STX19: variants seen among roughly 807,000 people sequenced by gnomAD.
STX19 encodes the protein syntaxin-19.
In STX19, 26 loss-of-function variants were observed where a neutral mutation model predicts 24.3. The ratio of observed to expected loss-of-function variants is 1.07; its 90% CI spans 0.78 to 1.48. STX19 has a LOEUF of 1.48. Among genes scored for constraint, STX19 ranks in the 40% most tolerant of loss-of-function variants. The pLI is 0.00. For synonymous variants in STX19, 116 were observed against 106.9 expected (o/e 1.09, Z -0.52); for missense variants, 367 against 331.9 (o/e 1.11, Z -0.82).
chr3:94,020,821 G>A (rs1351485039), intron 1 of STX19, among the ~76,000 whole-genome samples: 1 of 151,912 alleles, frequency 6.6e-6, no homozygotes, highest in Non-Finnish European at 1.5e-5. Flanking sequence ...TCAAATAGCC[G>A]GTAATCTTTT....
At chr3:94,017,253 T>G (rs1329148315) in intron 1 of STX19, among the ~76,000 whole-genome samples, 1 of 152,174 alleles carries the variant, frequency 6.6e-6, no homozygotes, top group Non-Finnish European at 1.5e-5. Flanking sequence ...TAAACAAAGG[T>G]CTGTGTATGC....
rs957234055 is a variant in STX19, at chr3:94,024,482, A to C, written c.-14+3885T>G. On this transcript the variant is annotated intron_variant, in intron 1 of 1. Transcript: ENST00000315099. ...ATTTTCACATTCCTCAAGAACTACA[A>C]CATCTTGAACTTTCTCTTTGGTTGC... 2.6e-5 allele frequency among the ~76,000 whole-genome samples: 4 copies of C among 152,312 alleles called. No homozygotes were observed. The South Asian group carries it at 8.3e-4, about 32-fold the overall frequency.
chr3:94,027,611 CATT>C (rs969501644), intron 1 of STX19, among the ~76,000 whole-genome samples: 5 of 151,944 alleles, frequency 3.3e-5, no homozygotes, highest in Non-Finnish European at 7.4e-5. Flanking sequence ...ATATAAAAGT[CATT>C]ATTATTTTGA....
In STX19 at chr3:94,019,438, G is replaced by A. The variant is rs139157471; in HGVS notation, c.-13-4156C>T. Among the ~76,000 whole-genome samples, 238 of 152,024 alleles carry A rather than the reference G, an allele frequency of 1.6e-3. 4 individuals are homozygous for A. Among genetic ancestry groups the A allele is most frequent in the Middle Eastern group, 0.014 (4 of 294 alleles). ...TCTTGAACTCTTGACCTCATGATCC[G>A]CCCATCTTGGCTTCCCAAAGTGCTG... On this transcript the variant is annotated intron_variant, in intron 1 of 1. Transcript: ENST00000315099.
At chr3:94,026,721 G>GT (rs1169814164) in intron 1 of STX19, among the ~76,000 whole-genome samples, 1 of 152,130 alleles carries the variant, frequency 6.6e-6, no homozygotes, top group East Asian at 1.9e-4. Flanking sequence ...TATGCAGTCT[G>GT]TTATGTACCT....
rs1181566571 is a variant in STX19, at chr3:94,014,426, C to G, written c.844G>C (p.Val282Leu). 5 of 1,581,752 alleles carry G rather than the reference C, an allele frequency of 3.2e-6. No individual in the cohort carries two copies. The highest frequency in any genetic ancestry group is 3.4e-6 in the Non-Finnish European group (4 of 1,169,426). ...CATGGACAGCACCAACAACACAGTA[C>G]TCTGCAAGGATTTCTTTTTTTGTAT... ...VKYKKRNPCR[V>L]LCCWCCPCCS... The change falls in exon 2 of 2, where the codon GTA becomes CTA. Residue 282 changes from valine to leucine, a missense_variant. Val to Leu is a conservative substitution (Grantham distance 32). Coordinates refer to ENST00000315099, the MANE Select transcript of STX19 (RefSeq NM_001001850.3).
At chr3:94,024,286 A>G (rs1181098638) in intron 1 of STX19, among the ~76,000 whole-genome samples, 7 of 152,230 alleles carry the variant, frequency 4.6e-5, no homozygotes, top group Non-Finnish European at 1.5e-5. Context: ...ATTATTTTTT[A>G]AACTGGGTTG....
chr3:94,023,480 A>G (rs1038855431), intron 1 of STX19, among the ~76,000 whole-genome samples: 1 of 151,808 alleles, frequency 6.6e-6, no homozygotes, highest in Middle Eastern at 3.2e-3. Context: ...TCATGTATTT[A>G]CGGTCTTGCT....
At position 94,016,649 on chromosome 3, in the gene STX19, C is replaced by T. The variant is rs75639523; in HGVS notation, c.-13-1367G>A. Among the ~76,000 whole-genome samples, 137 of 142,462 alleles carry T rather than the reference C, an allele frequency of 9.6e-4. 2 individuals carry two copies. In the East Asian group the frequency reaches 0.023, roughly 24 times the overall value. 93.5% of individuals were successfully genotyped at this position (142,462 alleles called of 152,430 possible). ...TGGAGATTTTAATTAATTAAGCTTT[C>T]TTTTTTTTTTTTTTGGAGATGGAGT... On this transcript the variant is annotated intron_variant, in intron 1 of 1. Transcript: ENST00000315099.
intron 1 of STX19, 127 bp downstream of exon 1, chr3:94,028,240 G>T (rs549397501): frequency 7.5e-4 from 114 of 152,180 alleles, no homozygotes; most frequent in African/African-American, 2.7e-3. Context: ...CTGGTACCCC[G>T]GTCCAAATCT....
intron 1 of STX19, among the ~76,000 whole-genome samples, chr3:94,017,038 T>C (rs907485152): frequency 6.6e-6 from 1 of 152,192 alleles, no homozygotes; most frequent in Non-Finnish European, 1.5e-5. Context: ...GCCAACTCTA[T>C]GCTATTCAGA....
Position 94,015,170 on chromosome 3 carries a change from A to T in STX19, c.100T>A (p.Phe34Ile). The T allele has an allele frequency of 6.2e-7, 1 of 1,613,904 alleles. No individual in the cohort carries two copies. The highest frequency in any genetic ancestry group is 8.5e-7 in the Non-Finnish European group (1 of 1,179,930). ...TCATAAATAACAGCTTGCTGTAGAA[A>T]CACCCCTTGTTCCTCTGTTTCTGTA... ...STTETEEQGV[F>I]LQQAVIYERE... Residue 34 changes from phenylalanine (F) to isoleucine (I), a missense_variant, in exon 2 of 2, where the codon TTT (phenylalanine) becomes ATT (isoleucine). Phe to Ile is a conservative substitution (Grantham distance 21). Transcript: ENST00000315099.
chr3:94,018,018 G>A (rs1027842726), intron 1 of STX19, among the ~76,000 whole-genome samples: 4 of 152,078 alleles, frequency 2.6e-5, no homozygotes, highest in African/African-American at 9.7e-5. Context: ...AGATAAATAG[G>A]ATATTGACAT....
chr3:94,018,920 C>A (rs2076390412), intron 1 of STX19, among the ~76,000 whole-genome samples: 1 of 152,132 alleles, frequency 6.6e-6, no homozygotes, highest in South Asian at 2.1e-4. Context: ...CATGTGCCAC[C>A]ACGCCCAGCT....
chr3:94,023,687 A>C (rs2076497205), intron 1 of STX19, among the ~76,000 whole-genome samples: 2 of 152,156 alleles, frequency 1.3e-5, no homozygotes, highest in African/African-American at 4.8e-5. Context: ...AGACATATCT[A>C]CTTGATTGCA....
At chr3:94,024,788 G>A (rs574802177) in intron 1 of STX19, among the ~76,000 whole-genome samples, 113 of 152,104 alleles carry the variant, frequency 7.4e-4, no homozygotes, top group African/African-American at 2.7e-3. Flanking sequence ...AGGTCTTGCT[G>A]TGTTGCTCAG....
At chr3:94,025,356 T>C (rs1211279287) in intron 1 of STX19, among the ~76,000 whole-genome samples, 1 of 152,214 alleles carries the variant, frequency 6.6e-6, no homozygotes, top group East Asian at 1.9e-4. Flanking sequence ...ATCATGGCAA[T>C]GCGTATTATG....
chr3:94,019,850 A>G (rs13071953), intron 1 of STX19, among the ~76,000 whole-genome samples: 15,840 of 152,068 alleles, frequency 0.1, 842 homozygotes, highest in Middle Eastern at 0.19. Flanking sequence ...GGGCCTTGGC[A>G]CTTGCCTTCT....
chr3:94,027,417 C>G (rs1301059566), intron 1 of STX19, among the ~76,000 whole-genome samples: 2 of 151,976 alleles, frequency 1.3e-5, no homozygotes, highest in African/African-American at 2.4e-5. Flanking sequence ...ATTGAATTAA[C>G]TTGTATAACA....
Sources: gnomAD v4.1 joint callset for allele counts (sites outside exome capture counted in the v4.1 genomes callset) on GRCh38, gnomAD v4.1.1 for gene constraint, MANE v1.5 for transcripts, NCBI Gene and HGNC (gene_info 2026-07-23, HGNC 2026-07-21) for gene names.